The following USP34 variants were observed in gnomAD, a reference collection of about 807,000 sequenced individuals.
The protein encoded by USP34 is ubiquitin specific peptidase 34, also known as ubiquitin carboxyl-terminal hydrolase 34.
A neutral mutation model predicts 460.3 loss-of-function variants in USP34; 70 were observed. The ratio of observed to expected loss-of-function variants is 0.15; its 90% CI spans 0.13 to 0.19. The LOEUF is 0.19. Among genes scored for constraint, USP34 ranks in the 10% least tolerant of loss-of-function variants. The pLI, the probability that USP34 is intolerant of heterozygous loss-of-function variation, is 1.00. For missense variants in USP34, 3,985 were observed against 4,236.2 expected (o/e 0.94, Z 1.65); for synonymous variants, 1,647 against 1,405.3 (o/e 1.17, Z -3.85).
intron 2 of USP34, among the ~76,000 whole-genome samples, chr2:61,407,226 A>G (rs1344068507): frequency 6.6e-6 from 1 of 152,116 alleles, no homozygotes; most frequent in Non-Finnish European, 1.5e-5. Flanking sequence ...CTCTACAAAA[A>G]CATAAAAATT....
chr2:61,464,717 CAAAA>C (rs35331685), intron 1 of USP34, among the ~76,000 whole-genome samples: 2 of 77,992 alleles, frequency 2.6e-5, no homozygotes, highest in African/African-American at 1.0e-4. Flanking sequence ...GACTCCGTCT[CAAAA>C]AAAAAAAAAA....
rs754664502 is a variant in USP34, at chr2:61,188,439, G to A, written c.10304C>T (p.Ala3435Val). Residue 3435 changes from alanine (A) to valine (V), a missense_variant, in exon 80 of 80, where the codon GCA becomes GTA. Around this residue, in one of 14 missense-constraint regions of USP34, gnomAD observed 506 missense variants for 439.0 expected, o/e 1.15. Coordinates refer to ENST00000398571, the MANE Select transcript of USP34 (RefSeq NM_014709.4). ...EDMSNIRSQH[A>V]EEQSNNGRYD... is the part of the protein sequence containing the mutation. Reference sequence around the variant, plus strand: ...TCTACCATTGTTGGACTGTTCTTCTGCATGCTGTGACCTGATATTTGACAT... The same window carrying A: ...TCTACCATTGTTGGACTGTTCTTCTACATGCTGTGACCTGATATTTGACAT... 13 of 1,614,070 alleles carry A rather than the reference G, an allele frequency of 8.1e-6. No individual in the cohort carries two copies. Among genetic ancestry groups the A allele is most frequent in the South Asian group, 2.2e-5 (2 of 91,084 alleles).
intron 10 of USP34, among the ~76,000 whole-genome samples, chr2:61,365,565 A>G (rs1197220472): frequency 6.6e-6 from 1 of 152,146 alleles, no homozygotes; most frequent in Non-Finnish European, 1.5e-5. Flanking sequence ...CTTCAGGAAA[A>G]AAAACCTACT....
intron 51 of USP34, among the ~76,000 whole-genome samples, chr2:61,242,433 G>GT (rs1558486156): frequency 7.4e-6 from 1 of 134,344 alleles, no homozygotes; most frequent in African/African-American, 2.8e-5. Context: ...TCAGAAAAAG[G>GT]TAAGAGTCAA....
rs185292337 is a variant in USP34, at chr2:61,305,786, T to C, written c.3818-4332A>G. Among the ~76,000 whole-genome samples the C allele has an allele frequency of 6.7e-4, 102 of 152,120 alleles. 1 individual carries two copies. In the East Asian group the frequency reaches 0.016, roughly 24 times the overall value. The stretch of plus-strand genomic sequence containing the variant: ...AAAAATCTTTATATCCTTTTTTTTT[T>C]CCCCGTCGTTGGCTGTAAAGGACAA... On this transcript the variant is annotated intron_variant, in intron 27 of 79. Coordinates refer to ENST00000398571, the MANE Select transcript of USP34 (RefSeq NM_014709.4).
chr2:61,468,445 A>C (rs1427100634), intron 1 of USP34, among the ~76,000 whole-genome samples: 1 of 151,642 alleles, frequency 6.6e-6, no homozygotes, highest in Non-Finnish European at 1.5e-5. Flanking sequence ...GGCCTCGCAA[A>C]GTGTTGGGAT....
rs28706198 is a variant in USP34, at chr2:61,301,988, A to G, written c.3818-534T>C. 6.4e-3 allele frequency among the ~76,000 whole-genome samples: 979 copies of G among 152,322 alleles called. 9 individuals carry two copies. Among genetic ancestry groups the G allele is most frequent in the African/African-American group, 0.022 (921 of 41,578 alleles). On this transcript the variant is annotated intron_variant, in intron 27 of 79. Transcript: ENST00000398571. ...AAAGGAAAAAGGAAAGAAAGAAAGA[A>G]AGAAAAAAAGGAAAGGGAAAAGGAA...
intron 7 of USP34, among the ~76,000 whole-genome samples, chr2:61,379,049 T>C (rs1692891891): frequency 6.7e-6 from 1 of 148,444 alleles, no homozygotes; most frequent in Admixed American, 6.8e-5. Context: ...GAGCAAGTAA[T>C]ATGTCATTAT....
At chr2:61,310,519 T>A in intron 27 of USP34, among the ~76,000 whole-genome samples, 1 of 151,556 alleles carries the variant, frequency 6.6e-6, no homozygotes. Flanking sequence ...ATTTGTGCTT[T>A]AAATATATAT....
chr2:61,230,075 C>A (rs982142655), intron 58 of USP34, among the ~76,000 whole-genome samples: 1 of 152,082 alleles, frequency 6.6e-6, no homozygotes, highest in Non-Finnish European at 1.5e-5. Flanking sequence ...AAATGTGTAA[C>A]CATTTTGAGA....
At chr2:61,251,241 C>A (rs1688573667) in intron 48 of USP34, among the ~76,000 whole-genome samples, 1 of 152,164 alleles carries the variant, frequency 6.6e-6, no homozygotes, top group African/African-American at 2.4e-5. Context: ...TGAATACAAA[C>A]AATTTTACTA....
intron 29 of USP34, among the ~76,000 whole-genome samples, chr2:61,297,382 G>T (rs1381113694): frequency 6.6e-6 from 1 of 152,188 alleles, no homozygotes; most frequent in Non-Finnish European, 1.5e-5. Flanking sequence ...AGTCTCAGAT[G>T]AACAGACGTT....
chr2:61,436,635 A>G (rs955360870), intron 1 of USP34, among the ~76,000 whole-genome samples: 1 of 152,244 alleles, frequency 6.6e-6, no homozygotes, highest in East Asian at 1.9e-4. Flanking sequence ...CAGATCATCT[A>G]GACAGAATAT....
At chr2:61,285,877 A>G (rs1689674295) in intron 34 of USP34, among the ~76,000 whole-genome samples, 2 of 152,192 alleles carry the variant, frequency 1.3e-5, no homozygotes, top group African/African-American at 4.8e-5. Context: ...GTTCTTCCTC[A>G]TATAAGGGGA....
At position 61,454,872 on chromosome 2, in the gene USP34, T is replaced by C. The variant is rs1171554198; in HGVS notation, c.43+15778A>G. On this transcript the variant is annotated intron_variant, in intron 1 of 79. Coordinates refer to ENST00000398571, the MANE Select transcript of USP34 (RefSeq NM_014709.4). Reference sequence around the variant, plus strand: ...AAATATAGTGGGGTTTTTTTTTTCTTTTTTTTTTTTTTTGGTTGTTTATTT... The same window carrying C: ...AAATATAGTGGGGTTTTTTTTTTCTCTTTTTTTTTTTTTGGTTGTTTATTT... 4.5e-5 allele frequency among the ~76,000 whole-genome samples: 6 copies of C among 133,420 alleles called. No individual in the cohort carries two copies. The South Asian group carries it at 1.3e-3, about 29-fold the overall frequency. 87.5% of individuals were successfully genotyped at this position (133,420 alleles called of 152,430 possible).
chr2:61,293,463 C>A lies in USP34; in HGVS notation c.4548+1G>T. 6.2e-7 allele frequency: 1 copy of A among 1,610,316 alleles called. No homozygotes were observed. Among genetic ancestry groups the A allele is most frequent in the Non-Finnish European group, 8.5e-7 (1 of 1,177,662 alleles). On this transcript the variant is annotated splice_donor_variant, in intron 33 of 79. Coordinates refer to ENST00000398571, the MANE Select transcript of USP34 (RefSeq NM_014709.4). LOFTEE classifies it high-confidence loss of function. ...AGTTGAAACCATAAATATGCACTTA[C>A]CACAGTCCATGATTCCTGCTCTTTA... is the stretch of plus-strand genomic sequence containing the variant.
At position 61,191,881 on chromosome 2, in the gene USP34, A is replaced by G. The variant is rs1686654242; in HGVS notation, c.9588+1020T>C. 2.0e-5 allele frequency among the ~76,000 whole-genome samples: 3 copies of G among 152,186 alleles called. No individual in the cohort carries two copies. In the South Asian group the frequency reaches 6.2e-4, roughly 31 times the overall value. ...GCTCAAAAATCAACTGATAAAAGTC[A>G]TTTTCTGAATGCCTACTGTATGCTA... On this transcript the variant is annotated intron_variant, in intron 76 of 79. Transcript: ENST00000398571.
chr2:61,391,556 C>G (rs1194019994), intron 5 of USP34, among the ~76,000 whole-genome samples: 1 of 151,956 alleles, frequency 6.6e-6, no homozygotes, highest in Non-Finnish European at 1.5e-5. Flanking sequence ...CTATTTTTTT[C>G]ATTGTTAAAT....
At chr2:61,301,305 A>G (rs1466407366) in intron 28 of USP34, 49 bp downstream of exon 28, 3 of 1,578,160 alleles carry the variant, frequency 1.9e-6, no homozygotes, top group Non-Finnish European at 2.6e-6. Flanking sequence ...TATTCAACTG[A>G]TGATTATAAA....
Sources: allele counts gnomAD v4.1 joint callset (sites outside exome capture counted in the v4.1 genomes callset), GRCh38; gene constraint gnomAD v4.1.1; regional missense constraint gnomAD v4.1.1; transcripts MANE v1.5; gene names NCBI Gene and HGNC (gene_info 2026-07-23, HGNC 2026-07-21).